SH3BP5L: variants seen among roughly 807,000 people sequenced by gnomAD.
SH3BP5L encodes the protein SH3 binding domain protein 5 like.
SH3BP5L carries 16 observed loss-of-function variants against 40.9 expected under a neutral mutation model. The ratio of observed to expected loss-of-function variants is 0.39; its 90% CI spans 0.27 to 0.59. The LOEUF is 0.59. Among genes scored for constraint, SH3BP5L ranks in the 20% least tolerant of loss-of-function variants. The pLI is 0.53. For missense variants in SH3BP5L, 471 were observed against 544.6 expected, an observed-to-expected ratio of 0.86 and a Z score of 1.35; for synonymous variants, 229 against 226.7, an observed-to-expected ratio of 1.01 and a Z score of -0.09.
At chr1:248,822,852 C>T (rs917524152) in intron 2 of SH3BP5L, among the ~76,000 whole-genome samples, 4 of 151,998 alleles carry the variant, frequency 2.6e-5, no homozygotes, top group Non-Finnish European at 5.9e-5. Context: ...TTAGTAGAGA[C>T]GGGTTTTCAC....
chr1:248,814,658 T>C, intron 4 of SH3BP5L, 48 bp from the exon 5 acceptor site: 1 of 1,596,788 alleles, frequency 6.3e-7, no homozygotes, highest in South Asian at 1.1e-5. Flanking sequence ...GGACCCCAGC[T>C]GCCCATGGAG....
chr1:248,813,121 CT>C lies in SH3BP5L; in HGVS notation c.578del (p.Glu193GlyfsTer5). ...GGCACAGCCGAGTCACTCGCTGGTG[CT>C]CCCGCTCACCTCGAAGCCGCTCTTC... ...AEEERLRGER[E>X]HQRVTRLCQQ... On this transcript the variant is annotated frameshift_variant, in exon 6 of 7. Transcript: ENST00000366472. LOFTEE classifies it high-confidence loss of function. 6.2e-7 allele frequency: 1 copy of C among 1,609,254 alleles called. No individual in the cohort carries two copies. Among genetic ancestry groups the C allele is most frequent in the Non-Finnish European group, 8.5e-7 (1 of 1,177,460 alleles).
intron 4 of SH3BP5L, among the ~76,000 whole-genome samples, chr1:248,815,384 T>C (rs996326274): frequency 5.9e-5 from 9 of 152,204 alleles, no homozygotes; most frequent in Non-Finnish European, 1.2e-4. Flanking sequence ...TAGCACATAC[T>C]GTGTAATCCC....
chr1:248,825,482 G>T, intron 1 of SH3BP5L, 116 bp from the exon 2 acceptor site: 8 of 681,434 alleles, frequency 1.2e-5, no homozygotes, highest in Non-Finnish European at 1.3e-5. Flanking sequence ...CCCCACCCAT[G>T]TATTCCGACC....
intron 2 of SH3BP5L, among the ~76,000 whole-genome samples, chr1:248,818,085 C>T (rs1360045836): frequency 1.3e-5 from 2 of 152,062 alleles, no homozygotes; most frequent in African/African-American, 4.8e-5. Flanking sequence ...TGGTGGCTCA[C>T]ACCTGTAATC....
rs1296439193 is a variant in SH3BP5L, at chr1:248,812,956, C to T, written c.711+33G>A. 2 of 1,539,816 alleles carry T rather than the reference C, an allele frequency of 1.3e-6. No individual in the cohort carries two copies. The highest frequency in any genetic ancestry group is 2.3e-5 in the East Asian group (1 of 43,210). ...CCCCTCCAGCCTGCACCCCCACCTA[C>T]CCATTCCTCCTCCCCCTCACCCACT... On this transcript the variant is annotated intron_variant, in intron 6 of 6. Transcript: ENST00000366472. The surrounding 1 kb of genome is among the most constrained non-coding windows in gnomAD (Gnocchi z 6.1).
At chr1:248,819,895 T>G (rs879707794) in intron 2 of SH3BP5L, among the ~76,000 whole-genome samples, 1 of 152,036 alleles carries the variant, frequency 6.6e-6, no homozygotes, top group East Asian at 1.9e-4. Flanking sequence ...GAGCTGCACA[T>G]GGAATTTTTA....
Position 248,810,878 on chromosome 1 carries a change from G to A in SH3BP5L, c.*1022C>T, listed in dbSNP as rs1023145721. On this transcript the variant is annotated 3_prime_UTR_variant, in exon 7 of 7. Transcript: ENST00000366472. ...TAAGAGGGTTGGCAGCCAAGCTTCA[G>A]TGTGCCCCGAGGGATCCTGCAGTAG... The A allele has an allele frequency of 6.5e-6, 1 of 152,724 alleles. No individual in the cohort carries two copies. Among genetic ancestry groups the A allele is most frequent in the Non-Finnish European group, 1.5e-5 (1 of 68,082 alleles). 9.5% of individuals were successfully genotyped at this position (152,724 alleles called of 1,614,324 possible).
chr1:248,817,885 C>T (rs957827635), intron 2 of SH3BP5L, among the ~76,000 whole-genome samples: 1 of 152,004 alleles, frequency 6.6e-6, no homozygotes, highest in South Asian at 2.1e-4. Context: ...GAACAAAGGG[C>T]CAAGGAACCA....
intron 2 of SH3BP5L, among the ~76,000 whole-genome samples, chr1:248,818,416 G>A (rs545684156): frequency 6.6e-6 from 1 of 152,266 alleles, no homozygotes; most frequent in African/African-American, 2.4e-5. Context: ...CAGAGGAGAG[G>A]GCAGATCCCA....
intron 2 of SH3BP5L, 60 bp downstream of exon 2, chr1:248,824,693 C>T (rs867703888): frequency 2.5e-5 from 39 of 1,583,690 alleles, no homozygotes; most frequent in Non-Finnish European, 3.2e-5. Context: ...ATTCATCCAA[C>T]ACTCTTCAGG....
At position 248,810,733 on chromosome 1, in the gene SH3BP5L, G is replaced by A. The variant is rs1283156808; in HGVS notation, c.*1167C>T. 1.3e-5 allele frequency: 2 copies of A among 152,284 alleles called. No homozygotes were observed. Among genetic ancestry groups the A allele is most frequent in the Non-Finnish European group, 2.9e-5 (2 of 68,066 alleles). The allele number at this position is 152,284 out of a possible 1,614,324, so 9.4% of individuals were successfully genotyped here. ...CAAAAGGAAGGACTGGTTCTCCCAA[G>A]GCACCCAGATCTGGTGTGGCTTCCC... On this transcript the variant is annotated 3_prime_UTR_variant, in exon 7 of 7. Coordinates refer to ENST00000366472, the MANE Select transcript of SH3BP5L (RefSeq NM_030645.3).
Position 248,812,448 on chromosome 1 carries a change from G to T in SH3BP5L, c.712-78C>A. The T allele has an allele frequency of 8.8e-7, 1 of 1,131,912 alleles. No individual in the cohort carries two copies. 70.1% of individuals were successfully genotyped at this position (1,131,912 alleles called of 1,614,324 possible). ...CTCAGCACTCTGCACTGAGGTCTGA[G>T]GGCCTGCTCTCCCAGAATACCTGGA... On this transcript the variant is annotated intron_variant, in intron 6 of 6. Transcript: ENST00000366472. The surrounding 1 kb of genome is among the most constrained non-coding windows in gnomAD (Gnocchi z 6.1).
rs200294202 is a variant in SH3BP5L at position 248,812,002 on chromosome 1, G to A, written c.1080C>T (p.His360=). ...CCAGCTCTTGGCCGTCCAGACTGAC[G>A]TGGTCCGAGAGGCCTCGCAAGTGCT... ...SVEHLRGLSD[H]VSLDGQELGT... is the part of the protein sequence containing the mutation. Residue 360 remains histidine (H), a synonymous_variant, in exon 7 of 7, where the codon CAC becomes CAT. Coordinates refer to ENST00000366472, the MANE Select transcript of SH3BP5L (RefSeq NM_030645.3). This position sits in a 1 kb window ranked among gnomAD's most constrained non-coding sequence, Gnocchi z 6.1. 7 of 1,609,438 alleles carry A rather than the reference G, an allele frequency of 4.3e-6. No homozygotes were observed. Among genetic ancestry groups the A allele is most frequent in the East Asian group, 4.5e-5 (2 of 44,740 alleles).
In SH3BP5L at chr1:248,813,100, C is replaced by T. The variant is rs759586568; in HGVS notation, c.600G>A (p.Leu200=). The change falls in exon 6 of 7, where the codon CTG becomes CTA. Residue 200 remains leucine (L), a synonymous_variant. Transcript: ENST00000366472. ...GEREHQRVTR[L]CQQAEARVQA... is the part of the protein sequence containing the mutation. ...GGACCCGAGCCTCAGCCTGTTGGCA[C>T]AGCCGAGTCACTCGCTGGTGCTCCC... 4 of 1,611,962 alleles carry T rather than the reference C, an allele frequency of 2.5e-6. No homozygotes were observed. The Admixed American group carries it at 5.0e-5, about 20-fold the overall frequency.
chr1:248,813,114 G>A lies in SH3BP5L; in HGVS notation c.586C>T (p.Arg196Ter), dbSNP rs1664000213. The change falls in exon 6 of 7, where the codon CGA (arginine) becomes TGA (stop). Residue 196 changes from arginine (R) to a stop codon, truncating the protein, a stop_gained. Transcript: ENST00000366472. LOFTEE classifies it high-confidence loss of function. ...ERLRGEREHQ[R>*]VTRLCQQAEA... ...GCCTGTTGGCACAGCCGAGTCACTC[G>A]CTGGTGCTCCCGCTCACCTCGAAGC... is the stretch of plus-strand genomic sequence containing the variant. 3 of 1,610,288 alleles carry A rather than the reference G, an allele frequency of 1.9e-6. No homozygotes were observed. The highest frequency in any genetic ancestry group is 2.5e-6 in the Non-Finnish European group (3 of 1,178,118).
chr1:248,825,854 C>A lies in SH3BP5L; in HGVS notation c.-451G>T. 1.0e-6 allele frequency: 1 copy of A among 983,570 alleles called. No homozygotes were observed. Among genetic ancestry groups the A allele is most frequent in the Non-Finnish European group, 1.2e-6 (1 of 829,294 alleles). The allele number at this position is 983,570 out of a possible 1,614,324, so 60.9% of individuals were successfully genotyped here. ...CCTTACCTCAGTTTACCTTCCCGTCCGCGGAGCTTCTATGCTGCAAACAAT... is the reference window on the plus strand; with the variant it reads ...CCTTACCTCAGTTTACCTTCCCGTCAGCGGAGCTTCTATGCTGCAAACAAT... On this transcript the variant is annotated 5_prime_UTR_variant, in exon 1 of 7. Coordinates refer to ENST00000366472, the MANE Select transcript of SH3BP5L (RefSeq NM_030645.3).
rs1398957491 is a variant in SH3BP5L at position 248,816,550 on chromosome 1, C to T, written c.359G>A (p.Arg120Gln). 9.3e-6 allele frequency: 15 copies of T among 1,613,994 alleles called. No individual in the cohort carries two copies. Among genetic ancestry groups the T allele is most frequent in the Non-Finnish European group, 1.1e-5 (13 of 1,180,032 alleles). ...CAGCCATACCTCCTTAGCCAGCCGC[C>T]GAGCCTCATAGTAGGGCCGGGCTTT... The part of the protein sequence containing the change: ...IEKARPYYEA[R>Q]RLAKEAQQET... Residue 120 changes from arginine (R) to glutamine (Q), a missense_variant, in exon 4 of 7, where the codon CGG becomes CAG. Around this residue, in one of 2 missense-constraint regions of SH3BP5L, gnomAD observed 275 missense variants for 370.1 expected, o/e 0.74. Transcript: ENST00000366472.
At position 248,812,212 on chromosome 1, in the gene SH3BP5L, G is replaced by C. The variant is rs1201555071; in HGVS notation, c.870C>G (p.Ser290=). The C allele has an allele frequency of 6.2e-7, 1 of 1,605,444 alleles. No individual in the cohort carries two copies. The highest frequency in any genetic ancestry group is 1.3e-5 in the African/African-American group (1 of 74,838). Reference sequence around the variant, plus strand: ...CGGGTCCTGCCTCGGCCCCCACGGGGGAGGAGCGCCGAGGGCCCAGGGGGT... The same window carrying C: ...CGGGTCCTGCCTCGGCCCCCACGGGCGAGGAGCGCCGAGGGCCCAGGGGGT... The part of the protein sequence containing the change: ...PPHPLGPRRS[S]PVGAEAGPED... Residue 290 remains serine, a synonymous_variant, in exon 7 of 7, where the codon TCC becomes TCG. Coordinates refer to ENST00000366472, the MANE Select transcript of SH3BP5L (RefSeq NM_030645.3). This position sits in a 1 kb window ranked among gnomAD's most constrained non-coding sequence, Gnocchi z 6.1.
Sources: allele counts gnomAD v4.1 joint callset (sites outside exome capture counted in the v4.1 genomes callset), GRCh38; gene constraint gnomAD v4.1.1; regional missense constraint gnomAD v4.1.1; non-coding constraint Gnocchi (gnomAD v3.1); transcripts MANE v1.5; gene names NCBI Gene and HGNC (gene_info 2026-07-23, HGNC 2026-07-21).